Variants in ADAMTS3 observed in about 807,000 individuals in gnomAD.
The protein encoded by ADAMTS3 is A disintegrin and metalloproteinase with thrombospondin motifs 3.
In ADAMTS3, 73 loss-of-function variants were observed where a neutral mutation model predicts 129.0. That is an observed-to-expected ratio of 0.57 (90% CI 0.47 to 0.69). ADAMTS3 has a LOEUF of 0.69. ADAMTS3 is among the 30% of genes least tolerant of loss of function. The probability of loss-of-function intolerance (pLI) is 0.00; values close to 1 mark genes in which losing one functional copy is unlikely to be tolerated. For synonymous variants in ADAMTS3, 477 were observed against 510.8 expected (o/e 0.93, Z 0.89); for missense variants, 1,457 against 1,514.5 (o/e 0.96, Z 0.63).
chr4:72,304,794 C>T (rs980478997), intron 16 of ADAMTS3, among the ~76,000 whole-genome samples: 3 of 151,992 alleles, frequency 2.0e-5, no homozygotes, highest in South Asian at 2.1e-4. Flanking sequence ...TTTCATGTTA[C>T]TACAATTATT....
chr4:72,415,547 C>G (rs1364104842), intron 3 of ADAMTS3, among the ~76,000 whole-genome samples: 1 of 151,944 alleles, frequency 6.6e-6, no homozygotes, highest in African/African-American at 2.4e-5. Flanking sequence ...GAAGAACTAA[C>G]TCATATTTGT....
intron 3 of ADAMTS3, among the ~76,000 whole-genome samples, chr4:72,502,956 T>C (rs532511071): frequency 1.3e-5 from 2 of 152,182 alleles, no homozygotes; most frequent in Non-Finnish European, 2.9e-5. Context: ...ACACTACTTA[T>C]GCTGTATCCT....
At chr4:72,455,904 TAC>T (rs1326741620) in intron 3 of ADAMTS3, among the ~76,000 whole-genome samples, 1 of 111,300 alleles carries the variant, frequency 9.0e-6, no homozygotes, top group Non-Finnish European at 1.7e-5. Context: ...ATATAGTATA[TAC>T]ACTGTATATA....
At chr4:72,489,940 A>C (rs779409887) in intron 3 of ADAMTS3, among the ~76,000 whole-genome samples, 4 of 151,880 alleles carry the variant, frequency 2.6e-5, no homozygotes, top group Admixed American at 2.0e-4. Context: ...AGGAGCCTCC[A>C]TACTGTTTTT....
chr4:72,339,718 G>C (rs929272932), intron 4 of ADAMTS3, 25 bp from the exon 5 acceptor site: 14 of 1,601,432 alleles, frequency 8.7e-6, no homozygotes, highest in African/African-American at 1.3e-5. Flanking sequence ...AAGGAACCAG[G>C]AATTTCAGTT....
Position 72,304,056 on chromosome 4 carries a change from T to G in ADAMTS3, c.2285A>C (p.His762Pro), listed in dbSNP as rs150065125. Residue 762 changes from histidine (H) to proline (P), a missense_variant, in exon 17 of 22, where the codon CAT becomes CCT. By Grantham distance (77) the His-to-Pro change is moderately conservative. Coordinates refer to ENST00000286657, the MANE Select transcript of ADAMTS3 (RefSeq NM_014243.3). Reference sequence around the variant, plus strand: ...CTCCCCTTTGCCATTTAAAATATAATGGCCTGTAGCCTGGTTCTTAATAGC... The same window carrying G: ...CTCCCCTTTGCCATTTAAAATATAAGGGCCTGTAGCCTGGTTCTTAATAGC... ...ILAIKNQATG[H>P]YILNGKGEEA... 8.7e-6 allele frequency: 14 copies of G among 1,613,578 alleles called. No individual in the cohort carries two copies. The highest frequency in any genetic ancestry group is 1.2e-5 in the Non-Finnish European group (14 of 1,179,620).
At chr4:72,373,911 TAATAATAATAATAATAATAATAA>T (rs1721076234) in intron 4 of ADAMTS3, among the ~76,000 whole-genome samples, 1 of 7,736 alleles carries the variant, frequency 1.3e-4, no homozygotes, top group Non-Finnish European at 5.1e-3. Flanking sequence ...ATAATAATAA[TAATAATAATAATAATAATAATAA>T]TAATAATAAT....
chr4:72,388,327 C>T (rs1721499310), intron 4 of ADAMTS3, among the ~76,000 whole-genome samples: 1 of 152,196 alleles, frequency 6.6e-6, no homozygotes, highest in Non-Finnish European at 1.5e-5. Flanking sequence ...AGGAGAGGAA[C>T]TGGTACTTCA....
At chr4:72,323,273 G>A (rs1719612541) in intron 5 of ADAMTS3, 176 bp from the exon 6 acceptor site, 1 of 587,866 alleles carries the variant, frequency 1.7e-6, no homozygotes, top group Non-Finnish European at 3.1e-6. Context: ...ACAATGTGTG[G>A]ATATGTAAAT....
chr4:72,431,457 C>A (rs1276161700), intron 3 of ADAMTS3, among the ~76,000 whole-genome samples: 1 of 151,934 alleles, frequency 6.6e-6, no homozygotes, highest in Admixed American at 6.6e-5. Context: ...TGACATGATG[C>A]CACAAGTAAA....
Position 72,456,669 on chromosome 4 carries a change from G to A in ADAMTS3, c.505-41698C>T, listed in dbSNP as rs113410086. Among the ~76,000 whole-genome samples, 1,139 of 151,314 alleles carry A rather than the reference G, an allele frequency of 7.5e-3. 26 individuals are homozygous for A. Among genetic ancestry groups the A allele is most frequent in the African/African-American group, 0.026 (1,082 of 41,372 alleles). ...TAGGCACCCACTAATTCCTACCAGA[G>A]TTCATTTCCGCATGATCCCTACCTT... On this transcript the variant is annotated intron_variant, in intron 3 of 21. Transcript: ENST00000286657.
chr4:72,310,263 T>C (rs914239160), intron 14 of ADAMTS3, among the ~76,000 whole-genome samples: 18 of 152,028 alleles, frequency 1.2e-4, no homozygotes, highest in African/African-American at 4.3e-4. Flanking sequence ...TGTAGAATAA[T>C]GATACACAAT....
chr4:72,316,428 G>A (rs1487473718), intron 10 of ADAMTS3, among the ~76,000 whole-genome samples: 2 of 152,138 alleles, frequency 1.3e-5, no homozygotes, highest in African/African-American at 4.8e-5. Context: ...GCTCATGCCT[G>A]TAATCCCAGC....
chr4:72,398,561 T>C (rs1352684505), intron 4 of ADAMTS3, among the ~76,000 whole-genome samples: 1 of 151,750 alleles, frequency 6.6e-6, no homozygotes, highest in African/African-American at 2.4e-5. Context: ...GGTGACAGAG[T>C]GAGACTCCAT....
chr4:72,568,749 G>A lies in ADAMTS3; in HGVS notation c.14C>T (p.Ser5Leu). 2 of 1,613,684 alleles carry A rather than the reference G, an allele frequency of 1.2e-6. No individual in the cohort carries two copies. Among genetic ancestry groups the A allele is most frequent in the Non-Finnish European group, 1.7e-6 (2 of 1,179,944 alleles). The change falls in exon 1 of 22, where the codon TCA becomes TTA. Residue 5 changes from serine to leucine, a missense_variant. Physicochemically the swap from Ser to Leu is moderately radical, Grantham distance 145. Coordinates refer to ENST00000286657, the MANE Select transcript of ADAMTS3 (RefSeq NM_014243.3). ...CAGAGCGGCTGCTATCAACCAAAGT[G>A]ACAGGAGAACCATCACGAGTCGAGT... MVLL[S>L]LWLIAAALVE...
intron 3 of ADAMTS3, among the ~76,000 whole-genome samples, chr4:72,510,405 G>C (rs1720281213): frequency 6.6e-6 from 1 of 151,928 alleles, no homozygotes; most frequent in African/African-American, 2.4e-5. Context: ...TATTAGAAAT[G>C]ATAAACAAAT....
intron 3 of ADAMTS3, among the ~76,000 whole-genome samples, chr4:72,503,180 G>A (rs977402840): frequency 2.6e-5 from 4 of 151,814 alleles, no homozygotes; most frequent in South Asian, 2.1e-4. Flanking sequence ...CCACCACCAC[G>A]CTTGGCTAAT....
chr4:72,537,076 AG>A (rs1372103716), intron 3 of ADAMTS3, among the ~76,000 whole-genome samples: 1 of 152,222 alleles, frequency 6.6e-6, no homozygotes, highest in Non-Finnish European at 1.5e-5. Flanking sequence ...TACCACTTCC[AG>A]GGGAAGACTC....
intron 4 of ADAMTS3, among the ~76,000 whole-genome samples, chr4:72,368,140 TACA>T (rs1199752518): frequency 6.6e-6 from 1 of 152,208 alleles, no homozygotes; most frequent in Admixed American, 6.5e-5. Flanking sequence ...TATTAAGTAA[TACA>T]ACTTCAAAAC....
Sources: gnomAD v4.1 joint callset for allele counts (sites outside exome capture counted in the v4.1 genomes callset) on GRCh38, gnomAD v4.1.1 for gene constraint, MANE v1.5 for transcripts, NCBI Gene and HGNC (gene_info 2026-07-23, HGNC 2026-07-21) for gene names.